Variants in CPQ observed in about 807,000 individuals in gnomAD.
CPQ encodes Ser-Met dipeptidase.
CPQ carries 37 observed loss-of-function variants against 45.7 expected under a neutral mutation model. That is an observed-to-expected ratio of 0.81 (90% CI 0.62 to 1.07). The LOEUF (loss-of-function observed/expected upper bound fraction) is 1.07. CPQ is among the 50% of genes least tolerant of loss of function. The pLI, the probability that CPQ is intolerant of heterozygous loss-of-function variation, is 0.00. For synonymous variants in CPQ, 186 were observed against 205.8 expected, an observed-to-expected ratio of 0.90 and a Z score of 0.82; for missense variants, 537 against 572.9, an observed-to-expected ratio of 0.94 and a Z score of 0.64.
At chr8:97,037,202 G>C (rs891998620) in intron 6 of CPQ, among the ~76,000 whole-genome samples, 1 of 152,170 alleles carries the variant, frequency 6.6e-6, no homozygotes, top group Non-Finnish European at 1.5e-5. Context: ...TAAAATAAAA[G>C]AATATGTTAG....
At chr8:96,939,795 G>A (rs1251453258) in intron 4 of CPQ, among the ~76,000 whole-genome samples, 2 of 152,106 alleles carry the variant, frequency 1.3e-5, no homozygotes, top group African/African-American at 4.8e-5. Context: ...CGTGTCTCCT[G>A]GCACATACAT....
At chr8:96,870,892 GC>G (rs747222598) in intron 3 of CPQ, among the ~76,000 whole-genome samples, 129 of 151,966 alleles carry the variant, frequency 8.5e-4, no homozygotes, top group Non-Finnish European at 1.5e-3. Context: ...TTGAATAAAG[GC>G]CTTTCTCTGA....
At chr8:97,107,226 T>C (rs917639009) in intron 7 of CPQ, among the ~76,000 whole-genome samples, 1 of 152,218 alleles carries the variant, frequency 6.6e-6, no homozygotes, top group Non-Finnish European at 1.5e-5. Flanking sequence ...ATTAAACAAA[T>C]ATGTGCTTTG....
At chr8:96,708,968 A>C (rs1240361123) in intron 1 of CPQ, among the ~76,000 whole-genome samples, 1 of 151,972 alleles carries the variant, frequency 6.6e-6, no homozygotes, top group Admixed American at 6.6e-5. Context: ...TTTACTTTTC[A>C]GTTTTAGAAT....
intron 5 of CPQ, among the ~76,000 whole-genome samples, chr8:96,975,011 A>G (rs981074797): frequency 2.0e-5 from 3 of 152,126 alleles, no homozygotes; most frequent in Non-Finnish European, 4.4e-5. Context: ...GACGAAGATC[A>G]GAGCAGAACT....
chr8:96,970,919 A>G (rs965869430), intron 5 of CPQ, among the ~76,000 whole-genome samples: 15 of 152,232 alleles, frequency 9.9e-5, no homozygotes, highest in African/African-American at 3.6e-4. Flanking sequence ...GTCTGTTTCT[A>G]GGAACACTCA....
intron 1 of CPQ, among the ~76,000 whole-genome samples, chr8:96,675,236 T>A (rs1397932416): frequency 5.9e-5 from 9 of 152,090 alleles, no homozygotes; most frequent in Non-Finnish European, 8.8e-5. Context: ...AGACAAGCAC[T>A]GTTATCAGTG....
At chr8:96,928,304 G>T (rs1046045885) in intron 4 of CPQ, among the ~76,000 whole-genome samples, 9 of 151,268 alleles carry the variant, frequency 5.9e-5, no homozygotes, top group Admixed American at 2.6e-4. Context: ...ACATTGGCAT[G>T]GTAGCATAAA....
chr8:96,718,445 G>A (rs989620877), intron 1 of CPQ, among the ~76,000 whole-genome samples: 14 of 152,068 alleles, frequency 9.2e-5, no homozygotes, highest in African/African-American at 3.4e-4. Flanking sequence ...AAGGCAGCGC[G>A]TCTGGAGTTG....
At position 96,647,704 on chromosome 8, in the gene CPQ, A is replaced by G. The variant is rs571508927; in HGVS notation, c.-35+2302A>G. Among the ~76,000 whole-genome samples, 19 of 152,356 alleles carry G rather than the reference A, an allele frequency of 1.2e-4. 1 individual carries two copies. The highest frequency in any genetic ancestry group is 5.9e-5 in the Non-Finnish European group (4 of 68,036). ...TAGAATGAGAGCACAGGGTGAAATGATGAAGACTGAATTATAGGGGAGTTG... is the reference window on the plus strand; with the variant it reads ...TAGAATGAGAGCACAGGGTGAAATGGTGAAGACTGAATTATAGGGGAGTTG... On this transcript the variant is annotated intron_variant, in intron 1 of 7. Coordinates refer to ENST00000220763, the MANE Select transcript of CPQ (RefSeq NM_016134.4).
chr8:96,817,376 A>T (rs1162739597), intron 2 of CPQ, among the ~76,000 whole-genome samples: 1 of 152,180 alleles, frequency 6.6e-6, no homozygotes, highest in Admixed American at 6.5e-5. Flanking sequence ...TTATCATAAC[A>T]GATATAGTAA....
intron 5 of CPQ, among the ~76,000 whole-genome samples, chr8:96,974,077 C>A (rs942376948): frequency 6.6e-6 from 1 of 152,088 alleles, no homozygotes; most frequent in Admixed American, 6.6e-5. Context: ...AACAGAATGA[C>A]AGAATGGATA....
chr8:96,765,533 C>T (rs1227067707), intron 1 of CPQ, among the ~76,000 whole-genome samples: 1 of 151,862 alleles, frequency 6.6e-6, no homozygotes, highest in Admixed American at 6.6e-5. Context: ...CAGACATAAA[C>T]ATTTCAGCCT....
At chr8:97,139,650 G>A (rs1013507025) in intron 7 of CPQ, among the ~76,000 whole-genome samples, 5 of 151,906 alleles carry the variant, frequency 3.3e-5, no homozygotes, top group Non-Finnish European at 5.9e-5. Context: ...ATGAGTCAAG[G>A]AAAAAGTAAA....
chr8:97,059,033 C>A (rs961225227), intron 6 of CPQ, among the ~76,000 whole-genome samples: 1 of 151,990 alleles, frequency 6.6e-6, no homozygotes, highest in African/African-American at 2.4e-5. Flanking sequence ...CTGTTATGAC[C>A]GTAGTGTCAT....
intron 1 of CPQ, among the ~76,000 whole-genome samples, chr8:96,719,555 G>C (rs1342772250): frequency 6.6e-6 from 1 of 152,152 alleles, no homozygotes; most frequent in African/African-American, 2.4e-5. Flanking sequence ...TGGGCTGAAG[G>C]GCTCCTCAAG....
chr8:96,925,433 G>T (rs894847048), intron 4 of CPQ, among the ~76,000 whole-genome samples: 1 of 151,588 alleles, frequency 6.6e-6, no homozygotes, highest in African/African-American at 2.4e-5. Context: ...CCCCAGGCTG[G>T]AGTGCATTGG....
intron 7 of CPQ, among the ~76,000 whole-genome samples, chr8:97,135,252 G>T (rs995371920): frequency 1.3e-5 from 2 of 152,154 alleles, no homozygotes; most frequent in African/African-American, 4.8e-5. Flanking sequence ...ATTTGTGATT[G>T]AGGATTTTTT....
chr8:96,725,899 C>T (rs1809831506), intron 1 of CPQ, among the ~76,000 whole-genome samples: 1 of 152,124 alleles, frequency 6.6e-6, no homozygotes, highest in African/African-American at 2.4e-5. Context: ...GAATACTACA[C>T]AGCCATAAAA....
Sources: gnomAD v4.1 joint callset for allele counts (sites outside exome capture counted in the v4.1 genomes callset) on GRCh38, gnomAD v4.1.1 for gene constraint, MANE v1.5 for transcripts, NCBI Gene and HGNC (gene_info 2026-07-23, HGNC 2026-07-21) for gene names.